POLH: variants seen among roughly 807,000 people sequenced by gnomAD.
POLH encodes the protein DNA polymerase eta.
A neutral mutation model predicts 73.6 loss-of-function variants in POLH; 53 were observed. The ratio of observed to expected loss-of-function variants is 0.72; its 90% CI spans 0.58 to 0.91. POLH has a LOEUF of 0.91. Among genes scored for constraint, POLH ranks in the 40% least tolerant of loss-of-function variants. The probability of loss-of-function intolerance (pLI) is 0.00; values close to 1 mark genes in which losing one functional copy is unlikely to be tolerated. For synonymous variants in POLH, 292 were observed against 308.5 expected, an observed-to-expected ratio of 0.95 and a Z score of 0.56; for missense variants, 768 against 865.4, an observed-to-expected ratio of 0.89 and a Z score of 1.41.
At chr6:43,594,996 G>A (rs9333534) in intron 4 of POLH, among the ~76,000 whole-genome samples, 1,600 of 151,856 alleles carry the variant, frequency 0.011, 27 homozygotes, top group African/African-American at 0.036. Context: ...CCAGGAGTTT[G>A]AGACCATCCT....
At chr6:43,599,206 C>A (rs1316759783) in intron 5 of POLH, among the ~76,000 whole-genome samples, 2 of 151,930 alleles carry the variant, frequency 1.3e-5, no homozygotes, top group Non-Finnish European at 2.9e-5. Flanking sequence ...CCAGGCTGGT[C>A]TGGAACTCCT....
At position 43,594,966 on chromosome 6, in the gene POLH, TG is replaced by T. The variant is rs34708926; in HGVS notation, c.491-2722del. Among the ~76,000 whole-genome samples the T allele has an allele frequency of 4.4e-4, 17 of 38,940 alleles. No individual in the cohort carries two copies. The East Asian group carries it at 4.6e-3, about 11-fold the overall frequency. 25.5% of individuals were successfully genotyped at this position (38,940 alleles called of 152,430 possible). On this transcript the variant is annotated intron_variant, in intron 4 of 10. Coordinates refer to ENST00000372236, the MANE Select transcript of POLH (RefSeq NM_006502.3). ...GGGGGCTGGGGAGGTGGGGGGCATA[TG>T]GGGGGGGATTGCTTGAGTCCAGGAG...
At chr6:43,612,407 C>T (rs187566435) in intron 10 of POLH, among the ~76,000 whole-genome samples, 14 of 149,388 alleles carry the variant, frequency 9.4e-5, no homozygotes, top group South Asian at 4.2e-4. Context: ...AGTGCAGTGA[C>T]GCAATCTCGG....
At chr6:43,578,097 C>G (rs1372996043) in intron 1 of POLH, among the ~76,000 whole-genome samples, 1 of 145,668 alleles carries the variant, frequency 6.9e-6, no homozygotes, top group Non-Finnish European at 1.5e-5. Flanking sequence ...AAAAAAATCC[C>G]CATGCTAGGC....
At chr6:43,587,099 T>C (rs1211716029) in intron 3 of POLH, among the ~76,000 whole-genome samples, 173 bp from the exon 4 acceptor site, 1 of 152,226 alleles carries the variant, frequency 6.6e-6, no homozygotes, top group African/African-American at 2.4e-5. Context: ...GCTTCTATTA[T>C]TGACCATCTG....
intron 8 of POLH, 146 bp downstream of exon 8, chr6:43,604,884 C>G (rs1767105209): frequency 1.2e-6 from 1 of 854,396 alleles, no homozygotes; most frequent in Admixed American, 2.0e-5. Flanking sequence ...TGAAAATTGA[C>G]TAGTTTATGA....
At chr6:43,609,283 G>A (rs945489153) in intron 9 of POLH, among the ~76,000 whole-genome samples, 1 of 152,034 alleles carries the variant, frequency 6.6e-6, no homozygotes, top group Non-Finnish European at 1.5e-5. Flanking sequence ...GTTCTCTCCT[G>A]CATCTCTAGG....
Position 43,617,475 on chromosome 6 carries a change from A to T in POLH, c.*2918A>T, listed in dbSNP as rs555641345. 6.6e-6 allele frequency among the ~76,000 whole-genome samples: 1 copy of T among 151,316 alleles called. No individual in the cohort carries two copies. Among genetic ancestry groups the T allele is most frequent in the Admixed American group, 6.6e-5 (1 of 15,172 alleles). On this transcript the variant is annotated 3_prime_UTR_variant, in exon 11 of 11. Coordinates refer to ENST00000372236, the MANE Select transcript of POLH (RefSeq NM_006502.3). ...AACCCATCTCTACAAAAAATAACAA[A>T]AATTAGGTGTGTGTGGTGACGCATG...
chr6:43,581,030 G>T (rs1422320987), intron 1 of POLH, among the ~76,000 whole-genome samples: 9 of 143,768 alleles, frequency 6.3e-5, no homozygotes, highest in Non-Finnish European at 1.4e-4. Flanking sequence ...GGTGGCTGCC[G>T]GGCGGAGACG....
chr6:43,584,260 A>G (rs1240346137), intron 3 of POLH, among the ~76,000 whole-genome samples: 1 of 152,212 alleles, frequency 6.6e-6, no homozygotes, highest in Non-Finnish European at 1.5e-5. Context: ...TATAGGAATC[A>G]TGCTTTGACT....
At chr6:43,579,654 A>G (rs1401177374) in intron 1 of POLH, among the ~76,000 whole-genome samples, 1 of 152,214 alleles carries the variant, frequency 6.6e-6, no homozygotes, top group Non-Finnish European at 1.5e-5. Context: ...CCAGTCAGTT[A>G]GAAGCACAGG....
At chr6:43,578,367 A>G (rs1487514555) in intron 1 of POLH, 2 of 426,756 alleles carry the variant, frequency 4.7e-6, no homozygotes, top group African/African-American at 4.2e-5. Context: ...AGCCTGCGCA[A>G]CGAGAACGAA....
chr6:43,593,365 G>A (rs1765681277), intron 4 of POLH, among the ~76,000 whole-genome samples: 1 of 152,196 alleles, frequency 6.6e-6, no homozygotes, highest in Admixed American at 6.5e-5. Flanking sequence ...TGCAAAGAAT[G>A]TGGAGTAGCC....
chr6:43,614,723 C>T lies in POLH; in HGVS notation c.*166C>T. The T allele has an allele frequency of 1.6e-6, 1 of 624,990 alleles. No homozygotes were observed. The highest frequency in any genetic ancestry group is 2.7e-6 in the Non-Finnish European group (1 of 367,920). 38.7% of individuals were successfully genotyped at this position (624,990 alleles called of 1,614,324 possible). A position where few individuals can be genotyped will look rare whatever the true frequency, so the allele number is the denominator to read the frequency against. ...AGTTACGGTCCCATCTCTTCACAGG[C>T]ATGGATTCTAATCCCACTGCTGACA... On this transcript the variant is annotated 3_prime_UTR_variant, in exon 11 of 11. Transcript: ENST00000372236.
intron 4 of POLH, among the ~76,000 whole-genome samples, chr6:43,597,246 G>T (rs990969597): frequency 6.6e-6 from 1 of 152,116 alleles, no homozygotes; most frequent in Non-Finnish European, 1.5e-5. Flanking sequence ...CTCCTGAGTA[G>T]CTGTGGTTAC....
Position 43,614,621 on chromosome 6 carries a change from T to C in POLH, c.*64T>C. The stretch of plus-strand genomic sequence containing the variant: ...TATCTTTACAGATCTTTATCTTTAA[T>C]ATTTTATCTTTACAGATTTCCCTGA... On this transcript the variant is annotated 3_prime_UTR_variant, in exon 11 of 11. Transcript: ENST00000372236. 7.4e-7 allele frequency: 1 copy of C among 1,345,264 alleles called. No homozygotes were observed. The highest frequency in any genetic ancestry group is 1.3e-5 in the South Asian group (1 of 78,772). 83.3% of individuals were successfully genotyped at this position (1,345,264 alleles called of 1,614,324 possible). A position where few individuals can be genotyped will look rare whatever the true frequency, so the allele number is the denominator to read the frequency against.
At position 43,614,880 on chromosome 6, in the gene POLH, G is replaced by A. The variant is rs2054917108; in HGVS notation, c.*323G>A. On this transcript the variant is annotated 3_prime_UTR_variant, in exon 11 of 11. Transcript: ENST00000372236. ...CAAACTTAGCTCTGGTTATTGCAATGAGGGCCTTGAACAAGTCATTTTCTT... is the reference window on the plus strand; with the variant it reads ...CAAACTTAGCTCTGGTTATTGCAATAAGGGCCTTGAACAAGTCATTTTCTT... The A allele has an allele frequency of 1.3e-5, 4 of 314,712 alleles. No homozygotes were observed. In the South Asian group the frequency reaches 1.8e-4, roughly 14 times the overall value. 19.5% of individuals were successfully genotyped at this position (314,712 alleles called of 1,614,324 possible). A position where few individuals can be genotyped will look rare whatever the true frequency, so the allele number is the denominator to read the frequency against.
intron 10 of POLH, among the ~76,000 whole-genome samples, chr6:43,612,519 G>A (rs1768002960): frequency 6.6e-6 from 1 of 151,572 alleles, no homozygotes. Flanking sequence ...GCTAAATTTT[G>A]TACTTTTAGT....
intron 6 of POLH, 77 bp downstream of exon 6, chr6:43,601,168 C>A: frequency 9.6e-7 from 1 of 1,038,270 alleles, no homozygotes; most frequent in Non-Finnish European, 1.5e-6. Context: ...TCTTGTGTTA[C>A]TAATTAAGGA....
Sources: gnomAD v4.1 joint callset for allele counts (sites outside exome capture counted in the v4.1 genomes callset) on GRCh38, gnomAD v4.1.1 for gene constraint, MANE v1.5 for transcripts, NCBI Gene and HGNC (gene_info 2026-07-23, HGNC 2026-07-21) for gene names.